Variants in EFHB observed in about 807,000 individuals in gnomAD.
EFHB encodes the protein EF-hand domain family member B.
In EFHB, 91 loss-of-function variants were observed where a neutral mutation model predicts 87.2. The observed-to-expected ratio is 1.04, with a 90% CI of 0.88 to 1.24. EFHB has a LOEUF of 1.24. EFHB is among the 50% of genes most tolerant of loss of function. The pLI, the probability that EFHB is intolerant of heterozygous loss-of-function variation, is 0.00. For missense variants in EFHB, 1,084 were observed against 998.8 expected, an observed-to-expected ratio of 1.09 and a Z score of -1.15; for synonymous variants, 325 against 333.6, an observed-to-expected ratio of 0.97 and a Z score of 0.28.
chr3:19,906,123 C>A (rs1694835395), intron 5 of EFHB, among the ~76,000 whole-genome samples: 1 of 152,142 alleles, frequency 6.6e-6, no homozygotes, highest in South Asian at 2.1e-4. Context: ...GAGTTCGAGA[C>A]CAGTTCACCA....
At chr3:19,936,276 G>A, upstream of EFHB, 1 of 696,700 alleles carries the variant, frequency 1.4e-6, no homozygotes, top group Non-Finnish European at 2.6e-6. Context: ...CTTGAGCCCA[G>A]GAGGTCTATG....
chr3:19,892,827 C>T (rs1694345943), intron 9 of EFHB, among the ~76,000 whole-genome samples: 2 of 143,792 alleles, frequency 1.4e-5, no homozygotes, highest in African/African-American at 2.8e-5. Context: ...TGCACTCCAA[C>T]CTGGGCAACA....
chr3:19,908,697 G>C (rs1694954381), intron 5 of EFHB, among the ~76,000 whole-genome samples: 1 of 151,614 alleles, frequency 6.6e-6, no homozygotes, highest in African/African-American at 2.4e-5. Flanking sequence ...GGAATTTTTT[G>C]TATATTGTAT....
In EFHB at chr3:19,919,974, T is replaced by C. The variant is rs140724530; in HGVS notation, c.855A>G (p.Leu285=). Reference sequence around the variant, plus strand: ...ACTTTTTTGCTTCAGGTGGAGTAATTAGCTACAAAGAGTGAGGCAAGAAAA... The same window carrying C: ...ACTTTTTTGCTTCAGGTGGAGTAATCAGCTACAAAGAGTGAGGCAAGAAAA... The part of the protein sequence containing the change: ...ATCLTEKLPR[L]ITPPEAKKYF... The change falls in exon 3 of 13, where the codon CTA becomes CTG. Residue 285 remains leucine, a splice_region_variant and synonymous_variant. Coordinates refer to ENST00000295824, the MANE Select transcript of EFHB (RefSeq NM_144715.4). 151 of 1,613,644 alleles carry C rather than the reference T, an allele frequency of 9.4e-5. 1 individual carries two copies. The African/African-American group carries it at 1.9e-3, about 20-fold the overall frequency.
chr3:19,902,328 T>A (rs902811919), intron 6 of EFHB, among the ~76,000 whole-genome samples: 1 of 151,990 alleles, frequency 6.6e-6, no homozygotes, highest in Non-Finnish European at 1.5e-5. Flanking sequence ...AAAATATAGA[T>A]AGAGATCGTT....
At position 19,898,790 on chromosome 3, in the gene EFHB, G is replaced by T. The variant is rs779516487; in HGVS notation, c.1558C>A (p.Pro520Thr). ...PDCTFGACLR[P>T]EEYGVGDLIH... ...TGTGTATATTTACCATATTCCTCAGGACGGAGACAAGCTCCAAATGTGCAG... is the reference window on the plus strand; with the variant it reads ...TGTGTATATTTACCATATTCCTCAGTACGGAGACAAGCTCCAAATGTGCAG... The change falls in exon 8 of 13, where the codon CCT becomes ACT. Residue 520 changes from proline to threonine, a missense_variant. Transcript: ENST00000295824. 10 of 1,613,592 alleles carry T rather than the reference G, an allele frequency of 6.2e-6. No homozygotes were observed. Among genetic ancestry groups the T allele is most frequent in the Non-Finnish European group, 7.6e-6 (9 of 1,179,780 alleles).
At chr3:19,896,876 T>C (rs937077866) in intron 8 of EFHB, 35 bp from the exon 9 acceptor site, 2 of 1,520,986 alleles carry the variant, frequency 1.3e-6, no homozygotes, top group African/African-American at 2.8e-5. Context: ...TACATAAATT[T>C]AAAGTCTTTC....
chr3:19,939,167 A>G (rs1005410197), upstream of EFHB, among the ~76,000 whole-genome samples: 1 of 136,222 alleles, frequency 7.3e-6, no homozygotes, highest in Non-Finnish European at 1.6e-5. Context: ...TTGGCCTCCC[A>G]AAGTGCTGGA....
intron 5 of EFHB, among the ~76,000 whole-genome samples, chr3:19,908,533 A>G (rs542522187): frequency 5.4e-5 from 8 of 147,154 alleles, no homozygotes; most frequent in African/African-American, 2.0e-4. Context: ...ACTCCGTCTC[A>G]AAAAAAGAAA....
chr3:19,934,481 C>G (rs1271482361), upstream of EFHB, among the ~76,000 whole-genome samples: 3 of 150,624 alleles, frequency 2.0e-5, no homozygotes, highest in South Asian at 2.1e-4. Context: ...CTTGCCTTTC[C>G]TCTCTCCTTT....
In EFHB at chr3:19,884,567, G is replaced by T; in HGVS notation, c.1982C>A (p.Pro661His). The T allele has an allele frequency of 1.2e-6, 2 of 1,613,874 alleles. No homozygotes were observed. Among genetic ancestry groups the T allele is most frequent in the Non-Finnish European group, 1.7e-6 (2 of 1,179,872 alleles). ...VNPTEANVEEPEQTLLIKPED... is the reference protein window; with the variant it reads ...VNPTEANVEEHEQTLLIKPED... ...TGGCTTTATGAGGAGAGTTTGTTCAGGTTCTTCAACATTAGCCTCAGTAGG... is the reference window on the plus strand; with the variant it reads ...TGGCTTTATGAGGAGAGTTTGTTCATGTTCTTCAACATTAGCCTCAGTAGG... Residue 661 changes from proline (P) to histidine (H), a missense_variant, in exon 11 of 13, where the codon CCT becomes CAT. Coordinates refer to ENST00000295824, the MANE Select transcript of EFHB (RefSeq NM_144715.4).
chr3:19,901,949 CAA>C (rs200520648), intron 6 of EFHB, among the ~76,000 whole-genome samples: 5 of 120,552 alleles, frequency 4.1e-5, no homozygotes, highest in Admixed American at 8.7e-5. Context: ...AACTCTGTCT[CAA>C]AAAAAAAAAA....
intron 1 of EFHB, among the ~76,000 whole-genome samples, chr3:19,943,931 T>A (rs1303144726): frequency 6.6e-6 from 1 of 152,256 alleles, no homozygotes; most frequent in African/African-American, 2.4e-5. Flanking sequence ...AGTGCTGTTA[T>A]GAAGACAACA....
At chr3:19,901,761 C>T (rs559414097) in intron 6 of EFHB, among the ~76,000 whole-genome samples, 11 of 152,184 alleles carry the variant, frequency 7.2e-5, no homozygotes, top group African/African-American at 2.4e-4. Flanking sequence ...ATCAGCCTGG[C>T]CCACATGGCA....
chr3:19,933,831 T>G lies in EFHB; in HGVS notation c.188A>C (p.Lys63Thr), dbSNP rs761273655. The G allele has an allele frequency of 7.4e-6, 12 of 1,613,840 alleles. No individual in the cohort carries two copies. The Admixed American group carries it at 2.0e-4, about 27-fold the overall frequency. The change falls in exon 1 of 13, where the codon AAA becomes ACA. Residue 63 changes from lysine to threonine, a missense_variant. Lys to Thr is a moderately conservative substitution (Grantham distance 78). Coordinates refer to ENST00000295824, the MANE Select transcript of EFHB (RefSeq NM_144715.4). ...TTCAAGCCCCTTGCTCAATGGAAAT[T>G]TTGTTTCTGGTGGTGCCATCCTTCC... is the stretch of plus-strand genomic sequence containing the variant. ...CEGRMAPPET[K>T]FPLSKGLEMG...
chr3:19,908,562 A>AGAGAGAGAGAGAG (rs1279876878), intron 5 of EFHB, among the ~76,000 whole-genome samples: 1 of 83,818 alleles, frequency 1.2e-5, no homozygotes, highest in African/African-American at 4.9e-5. Context: ...GAAAGAGAGA[A>AGAGAGAGAGAGAG]AGAGAGAGAG....
At chr3:19,917,217 A>T (rs1432214369) in intron 4 of EFHB, among the ~76,000 whole-genome samples, 1 of 149,754 alleles carries the variant, frequency 6.7e-6, no homozygotes, top group Non-Finnish European at 1.5e-5. Flanking sequence ...TATAAATATA[A>T]ATATATATAG....
chr3:19,919,727 A>G, intron 3 of EFHB, 106 bp downstream of exon 3: 1 of 1,151,774 alleles, frequency 8.7e-7, no homozygotes, highest in Middle Eastern at 2.9e-4. Context: ...TAGTAAAAAT[A>G]TGGGTGGGAA....
chr3:19,939,547 G>C (rs550270793), intron 1 of EFHB, among the ~76,000 whole-genome samples: 4 of 145,934 alleles, frequency 2.7e-5, no homozygotes, highest in Admixed American at 2.7e-4. Flanking sequence ...ACCACACCCG[G>C]CTAATTTTTT....
Sources: allele counts gnomAD v4.1 joint callset (sites outside exome capture counted in the v4.1 genomes callset), GRCh38; gene constraint gnomAD v4.1.1; transcripts MANE v1.5; gene names NCBI Gene and HGNC (gene_info 2026-07-23, HGNC 2026-07-21).